Variants in GRM5 observed in about 807,000 individuals in gnomAD.
The protein encoded by GRM5 is metabotropic glutamate receptor 5.
In GRM5, 19 loss-of-function variants were observed where a neutral mutation model predicts 83.1. The observed-to-expected ratio is 0.23, with a 90% CI of 0.16 to 0.34. The LOEUF (loss-of-function observed/expected upper bound fraction) is 0.34, where lower values mean the gene tolerates loss of function less well. GRM5 is among the 10% of genes least tolerant of loss of function. The pLI is 1.00. For synonymous variants in GRM5, 675 were observed against 633.6 expected, an observed-to-expected ratio of 1.07 and a Z score of -0.98; for missense variants, 1,160 against 1,588.3, an observed-to-expected ratio of 0.73 and a Z score of 4.58.
intron 9 of GRM5, among the ~76,000 whole-genome samples, chr11:88,516,901 A>G (rs1429387585): frequency 1.3e-5 from 2 of 152,150 alleles, no homozygotes; most frequent in Non-Finnish European, 2.9e-5. Context: ...CCTCAAAGAC[A>G]ATAGAAATCT....
chr11:88,558,474 A>T (rs1942677219), intron 8 of GRM5, among the ~76,000 whole-genome samples: 1 of 152,036 alleles, frequency 6.6e-6, no homozygotes. Flanking sequence ...AAAGGGTTGC[A>T]ATTTCTGCTG....
chr11:88,710,389 T>C (rs1199931205), intron 3 of GRM5, among the ~76,000 whole-genome samples: 2 of 152,124 alleles, frequency 1.3e-5, no homozygotes, highest in Admixed American at 1.3e-4. Context: ...CAGAACAGTG[T>C]TGCCTGGGCC....
rs11021266 is a variant in GRM5, at chr11:88,770,202, C to G, written c.911+79704G>C. ...GCAAATAAGGTATGAAAAACTGTTA[C>G]AGCCAAGAGGAGCCTAAGGAGTCCA... On this transcript the variant is annotated intron_variant, in intron 3 of 9. Transcript: ENST00000305447. Among the ~76,000 whole-genome samples the G allele has an allele frequency of 3.6e-3, 547 of 152,090 alleles. 3 individuals carry two copies. The highest frequency in any genetic ancestry group is 0.013 in the African/African-American group (524 of 41,494).
At chr11:88,870,419 C>T (rs906753861) in intron 2 of GRM5, among the ~76,000 whole-genome samples, 24 of 147,252 alleles carry the variant, frequency 1.6e-4, no homozygotes, top group Admixed American at 4.2e-4. Context: ...CATTGAGAAG[C>T]TACTGAAAAA....
chr11:89,020,216 T>C (rs187740958), intron 2 of GRM5, among the ~76,000 whole-genome samples: 19 of 152,296 alleles, frequency 1.2e-4, no homozygotes, highest in African/African-American at 4.6e-4. Flanking sequence ...TAACACAAAA[T>C]AGTAAGTGCA....
intron 7 of GRM5, among the ~76,000 whole-genome samples, chr11:88,588,696 A>T (rs1201171443): frequency 6.6e-6 from 1 of 152,160 alleles, no homozygotes; most frequent in Non-Finnish European, 1.5e-5. Flanking sequence ...CACAAATTTA[A>T]ATTACGACCT....
intron 3 of GRM5, among the ~76,000 whole-genome samples, chr11:88,794,944 G>T (rs1316801176): frequency 6.6e-6 from 1 of 152,220 alleles, no homozygotes; most frequent in African/African-American, 2.4e-5. Context: ...CTGATATGGT[G>T]TGATTACCAT....
At chr11:88,952,627 C>CTT (rs11464730) in intron 2 of GRM5, among the ~76,000 whole-genome samples, 309 of 148,996 alleles carry the variant, frequency 2.1e-3, no homozygotes, top group African/African-American at 5.0e-3. Flanking sequence ...AGAAAGAGAG[C>CTT]TTTTTTTTTT....
At chr11:88,575,341 G>A (rs160520) in intron 7 of GRM5, among the ~76,000 whole-genome samples, 76,984 of 152,002 alleles carry the variant, frequency 0.51, 22,927 homozygotes, top group African/African-American at 0.84. Context: ...AGAGGGGGCA[G>A]TATGAAGCTT....
intron 7 of GRM5, among the ~76,000 whole-genome samples, chr11:88,590,384 T>G (rs1026277647): frequency 6.6e-6 from 1 of 152,134 alleles, no homozygotes; most frequent in African/African-American, 2.4e-5. Flanking sequence ...ACTGATCTAA[T>G]TTTGGAGTGA....
chr11:89,051,103 T>C (rs1246926083), intron 1 of GRM5, among the ~76,000 whole-genome samples: 3 of 151,810 alleles, frequency 2.0e-5, no homozygotes, highest in East Asian at 3.9e-4. Flanking sequence ...TAATTTTAAA[T>C]ACTTAAAATT....
intron 3 of GRM5, among the ~76,000 whole-genome samples, chr11:88,844,919 T>C (rs1447751867): frequency 6.6e-6 from 1 of 152,234 alleles, no homozygotes; most frequent in Non-Finnish European, 1.5e-5. Context: ...TTGCTTCTTA[T>C]AGATCAGCAA....
rs371006015 is a variant in GRM5 at position 88,795,237 on chromosome 11, G to A, written c.911+54669C>T. Among the ~76,000 whole-genome samples the A allele has an allele frequency of 2.5e-3, 386 of 152,296 alleles. 1 individual carries two copies. Among genetic ancestry groups the A allele is most frequent in the African/African-American group, 8.7e-3 (363 of 41,566 alleles). ...AAGCGAGAAAGCAGTATCCCAGAGAGGGGCAGGCAACTTGGCCAAAGTTGT... is the reference window on the plus strand; with the variant it reads ...AAGCGAGAAAGCAGTATCCCAGAGAAGGGCAGGCAACTTGGCCAAAGTTGT... On this transcript the variant is annotated intron_variant, in intron 3 of 9. Transcript: ENST00000305447.
intron 2 of GRM5, among the ~76,000 whole-genome samples, chr11:88,968,770 A>G (rs1939072846): frequency 6.6e-6 from 1 of 152,124 alleles, no homozygotes; most frequent in Non-Finnish European, 1.5e-5. Context: ...AAACTTTGAA[A>G]ATACCCTAAA....
chr11:88,786,396 A>T (rs1049872862), intron 3 of GRM5, among the ~76,000 whole-genome samples: 2 of 152,136 alleles, frequency 1.3e-5, no homozygotes, highest in Non-Finnish European at 2.9e-5. Flanking sequence ...ATGACTTGAT[A>T]TAATTAGCTA....
rs182360699 is a variant in GRM5, at chr11:88,892,885, C to T, written c.662-42730G>A. On this transcript the variant is annotated intron_variant, in intron 2 of 9. Coordinates refer to ENST00000305447, the MANE Select transcript of GRM5 (RefSeq NM_001143831.3). ...TGAAAGTGAGTAGGGTGCCCATAAC[C>T]CAGAGGTTTATTTGTTTGGGAAAAT... Among the ~76,000 whole-genome samples the T allele has an allele frequency of 1.1e-4, 17 of 151,948 alleles. No individual in the cohort carries two copies. In the South Asian group the frequency reaches 2.3e-3, roughly 20 times the overall value.
chr11:88,710,898 C>G (rs1941266922), intron 3 of GRM5, among the ~76,000 whole-genome samples: 2 of 151,992 alleles, frequency 1.3e-5, no homozygotes, highest in South Asian at 2.1e-4. Context: ...TTAGACTATA[C>G]AGGGTGAGTT....
intron 2 of GRM5, among the ~76,000 whole-genome samples, chr11:89,032,877 T>C (rs1321862770): frequency 6.6e-6 from 1 of 152,086 alleles, no homozygotes; most frequent in Non-Finnish European, 1.5e-5. Context: ...TTAATGAATA[T>C]TGTTAATTAC....
chr11:89,043,350 T>C (rs947088490), intron 2 of GRM5, among the ~76,000 whole-genome samples: 1 of 152,180 alleles, frequency 6.6e-6, no homozygotes, highest in African/African-American at 2.4e-5. Context: ...TAAAACACAA[T>C]ACAATAATTA....
Sources: gnomAD v4.1 joint callset for allele counts (sites outside exome capture counted in the v4.1 genomes callset) on GRCh38, gnomAD v4.1.1 for gene constraint, MANE v1.5 for transcripts, NCBI Gene and HGNC (gene_info 2026-07-23, HGNC 2026-07-21) for gene names.